The following ATP6V1H variants were observed in gnomAD, a reference collection of about 807,000 sequenced individuals.
ATP6V1H encodes the protein V-type proton ATPase subunit H.
Under a neutral mutation model 71.7 loss-of-function variants are expected in ATP6V1H, and 39 were observed. The observed-to-expected ratio is 0.54, with a 90% confidence interval of 0.42 to 0.71. The LOEUF (loss-of-function observed/expected upper bound fraction) is 0.71, where lower values mean the gene tolerates loss of function less well. Among genes scored for constraint, ATP6V1H ranks in the 30% least tolerant of loss-of-function variants. The pLI is 0.00. For missense variants in ATP6V1H, 509 were observed against 594.9 expected, an observed-to-expected ratio of 0.86 and a Z score of 1.50; for synonymous variants, 192 against 199.3, an observed-to-expected ratio of 0.96 and a Z score of 0.31.
At chr8:53,739,995 G>T (rs1470674625) in intron 13 of ATP6V1H, among the ~76,000 whole-genome samples, 1 of 152,186 alleles carries the variant, frequency 6.6e-6, no homozygotes, top group Non-Finnish European at 1.5e-5. Context: ...ATACAGATGT[G>T]ATGTGGAAGG....
rs76961267 is a variant in ATP6V1H at position 53,759,504 on chromosome 8, T to C, written c.1176-2848A>G. Among the ~76,000 whole-genome samples, 495 of 152,358 alleles carry C rather than the reference T, an allele frequency of 3.2e-3. 1 individual carries two copies. The highest frequency in any genetic ancestry group is 0.011 in the African/African-American group (442 of 41,584). On this transcript the variant is annotated intron_variant, in intron 11 of 13. Coordinates refer to ENST00000359530, the MANE Select transcript of ATP6V1H (RefSeq NM_015941.4). ...AACCACAACCCATGATTCTATCAAA[T>C]AGTCCAATGGATCCAGGCAGCAACA...
intron 6 of ATP6V1H, among the ~76,000 whole-genome samples, chr8:53,812,213 C>A (rs1377611426): frequency 6.6e-6 from 1 of 152,034 alleles, no homozygotes; most frequent in African/African-American, 2.4e-5. Context: ...GAAGCAAGGC[C>A]AGGCTAAGCC....
intron 9 of ATP6V1H, among the ~76,000 whole-genome samples, chr8:53,785,174 C>T (rs1001323035): frequency 3.9e-5 from 6 of 151,990 alleles, no homozygotes; most frequent in Non-Finnish European, 8.8e-5. Flanking sequence ...TTCAGGTACA[C>T]CAATCAGACG....
At chr8:53,772,189 T>C (rs779858865) in intron 9 of ATP6V1H, 22 bp from the exon 10 acceptor site, 3 of 1,571,880 alleles carry the variant, frequency 1.9e-6, no homozygotes, top group Admixed American at 3.5e-5. Context: ...AAAGTGATAG[T>C]GAGAAACTAT....
chr8:53,816,545 C>A (rs1810456832), intron 5 of ATP6V1H, among the ~76,000 whole-genome samples: 1 of 152,116 alleles, frequency 6.6e-6, no homozygotes, highest in Non-Finnish European at 1.5e-5. Context: ...CACCTGTAAT[C>A]CCAGCACTCT....
chr8:53,780,246 T>C (rs928386734), intron 9 of ATP6V1H, among the ~76,000 whole-genome samples: 3 of 152,114 alleles, frequency 2.0e-5, no homozygotes, highest in South Asian at 2.1e-4. Flanking sequence ...AACAACCCTA[T>C]GGTATTCTTC....
At chr8:53,789,612 A>AT (rs556683239) in intron 9 of ATP6V1H, among the ~76,000 whole-genome samples, 1,570 of 152,298 alleles carry the variant, frequency 0.01, 15 homozygotes, top group Non-Finnish European at 0.016. Flanking sequence ...GGAAAGATAC[A>AT]TTCTTTGAAA....
At chr8:53,757,579 T>C (rs1478535555) in intron 11 of ATP6V1H, among the ~76,000 whole-genome samples, 1 of 152,240 alleles carries the variant, frequency 6.6e-6, no homozygotes, top group Non-Finnish European at 1.5e-5. Flanking sequence ...AGAATGAATG[T>C]TTTTTAAATG....
chr8:53,755,291 C>A (rs1359651674), intron 12 of ATP6V1H, among the ~76,000 whole-genome samples: 1 of 152,102 alleles, frequency 6.6e-6, no homozygotes, highest in Non-Finnish European at 1.5e-5. Flanking sequence ...AATCTATGTG[C>A]CCCATTCCAA....
intron 6 of ATP6V1H, among the ~76,000 whole-genome samples, chr8:53,811,711 C>A (rs1213978348): frequency 6.6e-6 from 1 of 151,984 alleles, no homozygotes; most frequent in Non-Finnish European, 1.5e-5. Context: ...ATAGAAATGA[C>A]CAAAGAAAAT....
chr8:53,740,162 C>G (rs942636029), intron 13 of ATP6V1H, among the ~76,000 whole-genome samples: 3 of 152,152 alleles, frequency 2.0e-5, no homozygotes, highest in Non-Finnish European at 4.4e-5. Context: ...TATTTAACTC[C>G]TTATAACAGA....
At chr8:53,740,974 G>A (rs533583227) in intron 13 of ATP6V1H, among the ~76,000 whole-genome samples, 1 of 152,298 alleles carries the variant, frequency 6.6e-6, no homozygotes, top group Admixed American at 6.5e-5. Context: ...TATGAAGGAA[G>A]TGTGGGAAAA....
chr8:53,761,434 C>G (rs1808271684), intron 11 of ATP6V1H, among the ~76,000 whole-genome samples: 2 of 151,992 alleles, frequency 1.3e-5, no homozygotes, highest in South Asian at 4.2e-4. Flanking sequence ...CTGAAGAAGC[C>G]ACAAAAATTA....
chr8:53,819,581 T>C (rs1430181855), intron 4 of ATP6V1H, among the ~76,000 whole-genome samples: 1 of 118,326 alleles, frequency 8.5e-6, no homozygotes, highest in Non-Finnish European at 1.7e-5. Context: ...TATATATATA[T>C]ATATAAAATA....
intron 5 of ATP6V1H, among the ~76,000 whole-genome samples, chr8:53,816,209 A>G (rs143874556): frequency 8.2e-4 from 125 of 152,348 alleles, no homozygotes; most frequent in African/African-American, 2.8e-3. Context: ...ACTATACTGT[A>G]TGAATACATA....
Position 53,829,527 on chromosome 8 carries a change from T to C in ATP6V1H, c.223A>G (p.Lys75Glu), listed in dbSNP as rs1220456571. ...MLQTEGSQCAKTFINLMTHIC... is the reference protein window; with the variant it reads ...MLQTEGSQCAETFINLMTHIC... ...TGAGTCATCAGATTTATAAATGTTT[T>C]AGCACACTAAAAAAAAAAATGAAAT... The change falls in exon 4 of 14, where the codon AAA becomes GAA. Residue 75 changes from lysine (K) to glutamate (E), a missense_variant. Lys to Glu is a moderately conservative substitution (Grantham distance 56). This residue lies in a region of ATP6V1H where 297 missense variants were observed against 303.3 expected (regional missense o/e 0.98). Coordinates refer to ENST00000359530, the MANE Select transcript of ATP6V1H (RefSeq NM_015941.4). The C allele has an allele frequency of 6.3e-7, 1 of 1,576,978 alleles. No individual in the cohort carries two copies. The highest frequency in any genetic ancestry group is 8.6e-7 in the Non-Finnish European group (1 of 1,164,044).
chr8:53,835,298 G>A (rs1438074714), intron 2 of ATP6V1H, among the ~76,000 whole-genome samples: 2 of 152,138 alleles, frequency 1.3e-5, no homozygotes, highest in African/African-American at 4.8e-5. Flanking sequence ...AGCATGAAGG[G>A]CTCAGGACAC....
In ATP6V1H at chr8:53,838,183, T is replaced by G. The variant is rs548482401; in HGVS notation, c.113+3395A>C. 1.8e-4 allele frequency among the ~76,000 whole-genome samples: 27 copies of G among 151,748 alleles called. No individual in the cohort carries two copies. In the South Asian group the frequency reaches 5.4e-3, roughly 30 times the overall value. ...CTCTATTGCCCAGGCTGGAGTGCAGTGGTGCAACCTCGGCTCACTGCAACC... is the reference window on the plus strand; with the variant it reads ...CTCTATTGCCCAGGCTGGAGTGCAGGGGTGCAACCTCGGCTCACTGCAACC... On this transcript the variant is annotated intron_variant, in intron 2 of 13. Coordinates refer to ENST00000359530, the MANE Select transcript of ATP6V1H (RefSeq NM_015941.4).
At chr8:53,761,967 G>C (rs1808287118) in intron 11 of ATP6V1H, among the ~76,000 whole-genome samples, 1 of 152,170 alleles carries the variant, frequency 6.6e-6, no homozygotes, top group Admixed American at 6.5e-5. Flanking sequence ...AGCTGGCAGG[G>C]AGGTAAGCCA....
Sources: allele counts gnomAD v4.1 joint callset (sites outside exome capture counted in the v4.1 genomes callset), GRCh38; gene constraint gnomAD v4.1.1; regional missense constraint gnomAD v4.1.1; transcripts MANE v1.5; gene names NCBI Gene and HGNC (gene_info 2026-07-23, HGNC 2026-07-21).